The following MYO1G variants were observed in gnomAD, a reference collection of about 807,000 sequenced individuals.
MYO1G encodes unconventional myosin-Ig.
A neutral mutation model predicts 115.3 loss-of-function variants in MYO1G; 65 were observed. The ratio of observed to expected loss-of-function variants is 0.56; its 90% CI spans 0.46 to 0.69. MYO1G has a LOEUF of 0.69. Ranked by LOEUF, MYO1G falls within the 30% of genes least tolerant of loss-of-function variation. MYO1G has a pLI of 0.00. For missense variants in MYO1G, 1,204 were observed against 1,393.5 expected, an observed-to-expected ratio of 0.86 and a Z score of 2.16; for synonymous variants, 510 against 552.6, an observed-to-expected ratio of 0.92 and a Z score of 1.08.
At chr7:44,971,610 T>G (rs1307030297) in intron 7 of MYO1G, 63 bp downstream of exon 7, 1 of 1,234,694 alleles carries the variant, frequency 8.1e-7, no homozygotes, top group Non-Finnish European at 1.2e-6. Context: ...CATCCCTGGG[T>G]GCTTCCCAGC....
intron 12 of MYO1G, chr7:44,968,814 G>GCCAT: frequency 6.6e-6 from 1 of 151,032 alleles, no homozygotes; most frequent in Admixed American, 6.6e-5. Flanking sequence ...TAGATTTTGC[G>GCCAT]AACAGATAAA....
chr7:44,975,524 T>C lies in MYO1G; in HGVS notation c.524A>G (p.Asp175Gly). 6.2e-7 allele frequency: 1 copy of C among 1,613,678 alleles called. No individual in the cohort carries two copies. The highest frequency in any genetic ancestry group is 8.5e-7 in the Non-Finnish European group (1 of 1,179,790). Residue 175 changes from aspartate (D) to glycine (G), a missense_variant, in exon 4 of 22, where the codon GAC becomes GGC. Transcript: ENST00000258787. ...GCTGTGGATGTGTCCTCCGATCGGGTCCCCCTTGAAGTCAAAGTTGATGTC... is the reference window on the plus strand; with the variant it reads ...GCTGTGGATGTGTCCTCCGATCGGGCCCCCCTTGAAGTCAAAGTTGATGTC... ...YMDINFDFKG[D>G]PIGGHIHSYL...
In MYO1G at chr7:44,963,244, T is replaced by C; in HGVS notation, c.2746-120A>G. On this transcript the variant is annotated intron_variant, in intron 20 of 21. Transcript: ENST00000258787. This position sits in a 1 kb window ranked among gnomAD's most constrained non-coding sequence, Gnocchi z 4.1. The stretch of plus-strand genomic sequence containing the variant: ...CAACCGCACCCGGGGAGCGCCGCCC[T>C]CGCCAGGGCCACCAGCCCCCCACCG... 8.2e-7 allele frequency: 1 copy of C among 1,223,420 alleles called. No individual in the cohort carries two copies. Among genetic ancestry groups the C allele is most frequent in the Non-Finnish European group, 1.1e-6 (1 of 934,692 alleles). 75.8% of individuals were successfully genotyped at this position (1,223,420 alleles called of 1,614,324 possible). A position where few individuals can be genotyped will look rare whatever the true frequency, so the allele number is the denominator to read the frequency against.
intron 9 of MYO1G, 136 bp from the exon 10 acceptor site, chr7:44,970,290 G>T: frequency 1.4e-6 from 1 of 729,814 alleles, no homozygotes. Context: ...GCTTCCCTGT[G>T]GCTTATGCAT....
In MYO1G at chr7:44,969,784, G is replaced by A; in HGVS notation, c.1424C>T (p.Ala475Val). 6.2e-7 allele frequency: 1 copy of A among 1,613,014 alleles called. No homozygotes were observed. ...LAVLDEACSSAGTITDRIFLQ... is the reference protein window; with the variant it reads ...LAVLDEACSSVGTITDRIFLQ... ...GAAGATTCGGTCAGTGATGGTGCCAGCAGAGCTGCAGGCCTCGTCCAGCAC... is the reference window on the plus strand; with the variant it reads ...GAAGATTCGGTCAGTGATGGTGCCAACAGAGCTGCAGGCCTCGTCCAGCAC... Residue 475 changes from alanine to valine, a missense_variant, in exon 11 of 22, where the codon GCT (alanine) becomes GTT (valine). Ala to Val is a moderately conservative substitution (Grantham distance 64). Transcript: ENST00000258787. This position sits in a 1 kb window ranked among gnomAD's most constrained non-coding sequence, Gnocchi z 5.0.
At position 44,970,094 on chromosome 7, in the gene MYO1G, G is replaced by GCTCACGCTCTGCC; in HGVS notation, c.1277_1278insGGCAGAGCGTGAG (p.Ile427AlafsTer24). 6.2e-7 allele frequency: 1 copy of GCTCACGCTCTGCC among 1,614,080 alleles called. No homozygotes were observed. ...ACTCTTCCTGTTCCTGCTTCAGGAT[G>GCTCACGCTCTGCC]AGCTGGATGAATAGCTGCTGCAGCT... is the stretch of plus-strand genomic sequence containing the variant. On this transcript the variant is annotated frameshift_variant, in exon 10 of 22. Coordinates refer to ENST00000258787, the MANE Select transcript of MYO1G (RefSeq NM_033054.3). LOFTEE classifies it high-confidence loss of function.
At chr7:44,967,059 G>C (rs1401620227) in intron 14 of MYO1G, among the ~76,000 whole-genome samples, 2 of 152,164 alleles carry the variant, frequency 1.3e-5, no homozygotes, top group African/African-American at 4.8e-5. Flanking sequence ...TCGGGGGGTG[G>C]GGAGGTGGGC....
Position 44,975,730 on chromosome 7 carries a change from C to A in MYO1G, c.399-81G>T, listed in dbSNP as rs1049089365. The A allele has an allele frequency of 7.9e-6, 11 of 1,393,096 alleles. No homozygotes were observed. The African/African-American group carries it at 1.6e-4, about 20-fold the overall frequency. The allele number at this position is 1,393,096 out of a possible 1,614,324, so 86.3% of individuals were successfully genotyped here. On this transcript the variant is annotated intron_variant, in intron 3 of 21. Transcript: ENST00000258787. ...TGTCTCTGCCCCTGAGTCTTCCCAA[C>A]AGAAATCACAGCATCTCAGGATGAG...
rs760699507 is a variant in MYO1G at position 44,975,474 on chromosome 7, A to C, written c.564+10T>G. On this transcript the variant is annotated intron_variant, in intron 4 of 21. Transcript: ENST00000258787. ...CTCCCCATGGAGGTCTCCTCAGCCC[A>C]CCTGCCCACCTTCTCCAGTAGGTAG... The C allele has an allele frequency of 5.6e-6, 9 of 1,602,918 alleles. No homozygotes were observed. Among genetic ancestry groups the C allele is most frequent in the Non-Finnish European group, 7.7e-6 (9 of 1,172,872 alleles).
chr7:44,971,132 G>T, intron 7 of MYO1G, 73 bp from the exon 8 acceptor site: 1 of 1,398,148 alleles, frequency 7.2e-7, no homozygotes, highest in Non-Finnish European at 9.7e-7. Flanking sequence ...GGACAAGAAG[G>T]AGGAAGGAAA....
Position 44,965,162 on chromosome 7 carries a change from G to A in MYO1G, c.2382-73C>T, listed in dbSNP as rs781244803. ...GCTCCCTGAGCCCCCTCTCCACAGAGGAAGCTGAGCCCTCAGCCTGGTGCT... is the reference window on the plus strand; with the variant it reads ...GCTCCCTGAGCCCCCTCTCCACAGAAGAAGCTGAGCCCTCAGCCTGGTGCT... On this transcript the variant is annotated intron_variant, in intron 17 of 21. Transcript: ENST00000258787. The A allele has an allele frequency of 5.7e-4, 879 of 1,542,788 alleles. 4 individuals are homozygous for A. The highest frequency in any genetic ancestry group is 3.2e-3 in the Middle Eastern group (17 of 5,240).
In MYO1G at chr7:44,969,413, G is replaced by A. The variant is rs769495251; in HGVS notation, c.1574C>T (p.Thr525Met). ...FRIKHYAGDV[T>M]YSVEGFIDKN... ...GATGTGGGTGGGAGGGGGCCCTTAC[G>A]TGACGTCCCCTGCATAGTGCTTGAT... Residue 525 changes from threonine to methionine, a missense_variant and splice_region_variant, in exon 12 of 22, where the codon ACG (threonine) becomes ATG (methionine). Physicochemically the swap from Thr to Met is moderately conservative, Grantham distance 81 (BLOSUM62 -1). Coordinates refer to ENST00000258787, the MANE Select transcript of MYO1G (RefSeq NM_033054.3). This position sits in a 1 kb window ranked among gnomAD's most constrained non-coding sequence, Gnocchi z 5.0. 25 of 1,613,496 alleles carry A rather than the reference G, an allele frequency of 1.5e-5. No homozygotes were observed. The highest frequency in any genetic ancestry group is 1.5e-4 in the South Asian group (14 of 91,082).
intron 6 of MYO1G, 53 bp downstream of exon 6, chr7:44,972,062 C>T (rs1466250124): frequency 7.1e-7 from 1 of 1,402,736 alleles, no homozygotes; most frequent in African/African-American, 1.4e-5. Flanking sequence ...TACCACCACA[C>T]TCAGGCCCTG....
rs770854227 is a variant in MYO1G, at chr7:44,971,067, T to C, written c.847-8A>G. On this transcript the variant is annotated splice_polypyrimidine_tract_variant and splice_region_variant and intron_variant, in intron 7 of 21. Coordinates refer to ENST00000258787, the MANE Select transcript of MYO1G (RefSeq NM_033054.3). ...CACAAACTCGATGTTTCCCTGGTGA[T>C]GGGAAAACCATGAACAGTCCGGGCT... 13 of 1,605,712 alleles carry C rather than the reference T, an allele frequency of 8.1e-6. No homozygotes were observed. The highest frequency in any genetic ancestry group is 3.3e-5 in the Admixed American group (2 of 59,752).
At position 44,969,541 on chromosome 7, in the gene MYO1G, G is replaced by C. The variant is rs1794912838; in HGVS notation, c.1504-58C>G. 1 of 1,594,986 alleles carries C rather than the reference G, an allele frequency of 6.3e-7. No homozygotes were observed. Among genetic ancestry groups the C allele is most frequent in the Non-Finnish European group, 8.6e-7 (1 of 1,163,548 alleles). On this transcript the variant is annotated intron_variant, in intron 11 of 21. Coordinates refer to ENST00000258787, the MANE Select transcript of MYO1G (RefSeq NM_033054.3). This position sits in a 1 kb window ranked among gnomAD's most constrained non-coding sequence, Gnocchi z 5.0. ...GGTATGTGGAGGGTCTGTATGAAGG[G>C]ATAGCCCTGCCTCCCCACCTCCAGG...
At position 44,970,915 on chromosome 7, in the gene MYO1G, CTG is replaced by C; in HGVS notation, c.989_990del (p.Thr330SerfsTer17). 1 of 1,613,562 alleles carries C rather than the reference CTG, an allele frequency of 6.2e-7. No individual in the cohort carries two copies. The highest frequency in any genetic ancestry group is 8.5e-7 in the Non-Finnish European group (1 of 1,180,032). On this transcript the variant is annotated frameshift_variant, in exon 8 of 22. Transcript: ENST00000258787. LOFTEE classifies it high-confidence loss of function. ...DLVLRSLLAR[T>X]VASGGRELIE... ...ATGAGTTCCCTGCCTCCCGAGGCAA[CTG>C]TGCGAGCCAGCAGGGAGCGGAGCAC...
chr7:44,972,575 G>A (rs956575942), intron 5 of MYO1G: 4 of 277,412 alleles, frequency 1.4e-5, no homozygotes, highest in Non-Finnish European at 7.1e-6. Context: ...ACACTACCCG[G>A]GTCCCAAAAC....
At position 44,962,790 on chromosome 7, in the gene MYO1G, G is replaced by A; in HGVS notation, c.3006C>T (p.Pro1002=). Residue 1002 remains proline, a synonymous_variant, in exon 22 of 22, where the codon CCC becomes CCT. Coordinates refer to ENST00000258787, the MANE Select transcript of MYO1G (RefSeq NM_033054.3). The surrounding 1 kb of genome is among the most constrained non-coding windows in gnomAD (Gnocchi z 5.3). The part of the protein sequence containing the change: ...SVEPRPEQPE[P]DFRCARGSFT... The stretch of plus-strand genomic sequence containing the variant: ...AGGAGCCGCGAGCGCAGCGGAAATC[G>A]GGCTCTGGCTGCTCCGGCCTGGGCT... 1 of 1,507,964 alleles carries A rather than the reference G, an allele frequency of 6.6e-7. No individual in the cohort carries two copies. Among genetic ancestry groups the A allele is most frequent in the East Asian group, 2.6e-5 (1 of 38,262 alleles). 93.4% of individuals were successfully genotyped at this position (1,507,964 alleles called of 1,614,324 possible). A position where few individuals can be genotyped will look rare whatever the true frequency, so the allele number is the denominator to read the frequency against.
intron 5 of MYO1G, 43 bp from the exon 6 acceptor site, chr7:44,972,268 T>C (rs754992067): frequency 6.4e-6 from 9 of 1,406,658 alleles, no homozygotes; most frequent in South Asian, 5.8e-5. Flanking sequence ...GCTCCCAGGA[T>C]GTCCCCCTGT....
Sources: allele counts gnomAD v4.1 joint callset (sites outside exome capture counted in the v4.1 genomes callset), GRCh38; gene constraint gnomAD v4.1.1; non-coding constraint Gnocchi (gnomAD v3.1); transcripts MANE v1.5; gene names NCBI Gene and HGNC (gene_info 2026-07-23, HGNC 2026-07-21).